The following SIPA1L1 variants were observed in gnomAD, a reference collection of about 807,000 sequenced individuals.
SIPA1L1 encodes the protein signal induced proliferation associated 1 like 1, also known as signal-induced proliferation-associated 1-like protein 1.
Under a neutral mutation model 162.7 loss-of-function variants are expected in SIPA1L1, and 26 were observed. The observed-to-expected ratio is 0.16, with a 90% CI of 0.12 to 0.22. The LOEUF (loss-of-function observed/expected upper bound fraction) is 0.22, where lower values mean the gene tolerates loss of function less well. Among genes scored for constraint, SIPA1L1 ranks in the 10% least tolerant of loss-of-function variants. SIPA1L1 has a pLI of 1.00. For missense variants in SIPA1L1, 1,874 were observed against 2,241.0 expected (o/e 0.84, Z 3.31); for synonymous variants, 829 against 837.4 (o/e 0.99, Z 0.17).
At chr14:71,500,799 G>C (rs527305401) in intron 2 of SIPA1L1, among the ~76,000 whole-genome samples, 5 of 152,230 alleles carry the variant, frequency 3.3e-5, no homozygotes, top group African/African-American at 1.2e-4. Flanking sequence ...CTGAGATCGG[G>C]AGTTTGACAC....
Position 71,658,345 on chromosome 14 carries a change from G to T in SIPA1L1, c.2006G>T (p.Gly669Val). ...AQLDTKTDST[G>V]THSLYTTYKD... ...TTTTTAACTGTAGCTGACTCCACTG[G>T]AACCCATTCTCTGTACACAACATAC... The change falls in exon 9 of 24, where the codon GGA becomes GTA. Residue 669 changes from glycine (G) to valine (V), a missense_variant. Gly to Val is a moderately radical substitution (Grantham distance 109). This residue lies in a region of SIPA1L1 where 685 missense variants were observed against 828.0 expected (regional missense o/e 0.83). Coordinates refer to ENST00000381232, the MANE Select transcript of SIPA1L1 (RefSeq NM_001386936.1). The T allele has an allele frequency of 6.3e-7, 1 of 1,598,342 alleles. No homozygotes were observed.
chr14:71,670,813 C>T (rs1264063623), intron 10 of SIPA1L1, among the ~76,000 whole-genome samples: 1 of 151,880 alleles, frequency 6.6e-6, no homozygotes, highest in African/African-American at 2.4e-5. Flanking sequence ...TTACAGTAAA[C>T]CTATTTTTTT....
chr14:71,367,019 T>C (rs2038365026), intron 2 of SIPA1L1, among the ~76,000 whole-genome samples: 1 of 152,194 alleles, frequency 6.6e-6, no homozygotes, highest in South Asian at 2.1e-4. Context: ...AGGTCACTGT[T>C]AGTTGCATAC....
At chr14:71,553,777 T>C (rs976184411) in intron 4 of SIPA1L1, among the ~76,000 whole-genome samples, 7 of 152,202 alleles carry the variant, frequency 4.6e-5, no homozygotes, top group Admixed American at 3.9e-4. Context: ...TTTTTTCATA[T>C]AGAAAACAAA....
chr14:71,550,971 C>T (rs1456413622), intron 4 of SIPA1L1, among the ~76,000 whole-genome samples: 2 of 152,168 alleles, frequency 1.3e-5, no homozygotes, highest in Non-Finnish European at 2.9e-5. Context: ...GGGTCATTTC[C>T]CTTTCCTCTC....
At chr14:71,498,385 A>G (rs1232736287) in intron 2 of SIPA1L1, among the ~76,000 whole-genome samples, 2 of 152,070 alleles carry the variant, frequency 1.3e-5, no homozygotes, top group Non-Finnish European at 2.9e-5. Flanking sequence ...TTCCACTTCC[A>G]TTCGGTTTTT....
chr14:71,576,045 C>T (rs527551035), intron 4 of SIPA1L1, among the ~76,000 whole-genome samples: 1 of 152,144 alleles, frequency 6.6e-6, no homozygotes, highest in Admixed American at 6.5e-5. Flanking sequence ...GCTGAAAGCA[C>T]GTAACTTTTA....
intron 17 of SIPA1L1, among the ~76,000 whole-genome samples, chr14:71,717,923 G>A (rs534056549): frequency 6.6e-6 from 1 of 152,288 alleles, no homozygotes; most frequent in African/African-American, 2.4e-5. Context: ...ACAAGCCCAG[G>A]ATTCCCCAGT....
chr14:71,336,705 T>C (rs1211953173), intron 2 of SIPA1L1, among the ~76,000 whole-genome samples: 1 of 152,194 alleles, frequency 6.6e-6, no homozygotes, highest in African/African-American at 2.4e-5. Context: ...AAAACCACCC[T>C]AGTACTAATC....
chr14:71,552,397 T>TG (rs1269799696), intron 4 of SIPA1L1, among the ~76,000 whole-genome samples: 5 of 147,996 alleles, frequency 3.4e-5, no homozygotes, highest in Admixed American at 1.3e-4. Context: ...CCCTATTTCT[T>TG]TTTTTTTTTT....
chr14:71,696,239 A>T (rs2081618878), intron 13 of SIPA1L1, among the ~76,000 whole-genome samples: 1 of 152,224 alleles, frequency 6.6e-6, no homozygotes, highest in Admixed American at 6.5e-5. Context: ...TGATGATAAC[A>T]GGAAGACTTT....
chr14:71,327,039 C>G (rs1053729002), intron 2 of SIPA1L1, among the ~76,000 whole-genome samples: 2 of 149,640 alleles, frequency 1.3e-5, no homozygotes, highest in Admixed American at 1.3e-4. Context: ...GGCTCATTGC[C>G]TTTCCTTTAA....
chr14:71,654,971 G>A (rs2042938334), intron 8 of SIPA1L1, among the ~76,000 whole-genome samples: 1 of 151,934 alleles, frequency 6.6e-6, no homozygotes, highest in Admixed American at 6.6e-5. Flanking sequence ...TCTTAGATTC[G>A]GGAGGACATG....
At chr14:71,733,283 G>A (rs149837721) in intron 20 of SIPA1L1, among the ~76,000 whole-genome samples, 206 of 152,308 alleles carry the variant, frequency 1.4e-3, no homozygotes, top group Non-Finnish European at 2.4e-3. Context: ...CCAAAATCCA[G>A]CTCCCTGTTG....
At chr14:71,615,781 C>A (rs2038767737) in intron 5 of SIPA1L1, among the ~76,000 whole-genome samples, 1 of 152,116 alleles carries the variant, frequency 6.6e-6, no homozygotes, top group African/African-American at 2.4e-5. Context: ...CCAAGGCGGG[C>A]AGATCACTTG....
intron 8 of SIPA1L1, among the ~76,000 whole-genome samples, chr14:71,657,134 G>A (rs1338680476): frequency 6.6e-6 from 1 of 152,056 alleles, no homozygotes; most frequent in African/African-American, 2.4e-5. Flanking sequence ...TGGATCACAA[G>A]GTCAGGAGAT....
chr14:71,323,230 T>C (rs1457841714), intron 2 of SIPA1L1, among the ~76,000 whole-genome samples: 1 of 152,234 alleles, frequency 6.6e-6, no homozygotes, highest in Non-Finnish European at 1.5e-5. Context: ...ATTAGCAGTT[T>C]TGTAGACTTC....
At chr14:71,607,591 A>G (rs2037679310) in intron 5 of SIPA1L1, among the ~76,000 whole-genome samples, 1 of 152,114 alleles carries the variant, frequency 6.6e-6, no homozygotes, top group African/African-American at 2.4e-5. Context: ...GAGTTTTAAG[A>G]CAGTGCCACT....
At chr14:71,327,705 C>T (rs193033525) in intron 2 of SIPA1L1, among the ~76,000 whole-genome samples, 1 of 152,266 alleles carries the variant, frequency 6.6e-6, no homozygotes, top group Admixed American at 6.5e-5. Context: ...AAAGACTTTT[C>T]AGAAACACAT....
Sources: allele counts gnomAD v4.1 joint callset (sites outside exome capture counted in the v4.1 genomes callset), GRCh38; gene constraint gnomAD v4.1.1; regional missense constraint gnomAD v4.1.1; transcripts MANE v1.5; gene names NCBI Gene and HGNC (gene_info 2026-07-23, HGNC 2026-07-21).